The following PHKA1 variants were observed in gnomAD, a reference collection of about 807,000 sequenced individuals.
PHKA1 encodes phosphorylase kinase regulatory subunit alpha 1.
Under a neutral mutation model 110.2 loss-of-function variants are expected in PHKA1, and 60 were observed. That is an observed-to-expected ratio of 0.54 (90% CI 0.44 to 0.68). PHKA1 has a LOEUF of 0.68. Among genes scored for constraint, PHKA1 ranks in the 30% least tolerant of loss-of-function variants. The pLI, the probability that PHKA1 is intolerant of heterozygous loss-of-function variation, is 0.00. For synonymous variants in PHKA1, 316 were observed against 333.6 expected (o/e 0.95, Z 0.58); for missense variants, 801 against 942.5 (o/e 0.85, Z 1.97).
chrX:72,658,458 CAAAAAAAAA>C (rs34964050), intron 8 of PHKA1, among the ~76,000 whole-genome samples: 1 of 40,436 alleles, frequency 2.5e-5, no homozygotes, highest in African/African-American at 8.9e-5. Flanking sequence ...GACTTTGTTT[CAAAAAAAAA>C]AAAAAAAAAA....
At chrX:72,616,152 G>A (rs1411669961) in intron 21 of PHKA1, among the ~76,000 whole-genome samples, 1 of 111,363 alleles carries the variant, frequency 9.0e-6, no homozygotes, top group East Asian at 2.8e-4. Context: ...GATGGCTTGA[G>A]CCCAATAGTT....
rs184062528 is a variant in PHKA1 at position 72,674,800 on chromosome X, T to G, written c.618+1270A>C. 3.6e-5 allele frequency among the ~76,000 whole-genome samples: 4 copies of G among 111,873 alleles called. No homozygotes were observed. In the East Asian group the frequency reaches 1.1e-3, roughly 31 times the overall value. ...ACAATTCTGTCAATGGAGCAATTAT[T>G]AAATACTGTATAGCAGCTGAAAAGA... On this transcript the variant is annotated intron_variant, in intron 6 of 31. Transcript: ENST00000373542.
intron 5 of PHKA1, 29 bp downstream of exon 5, chrX:72,684,469 C>T: frequency 2.1e-6 from 2 of 951,053 alleles, no homozygotes; most frequent in South Asian, 2.0e-5. Flanking sequence ...CATCATATGT[C>T]TAAAATCCAT....
At position 72,620,712 on chromosome X, in the gene PHKA1, C is replaced by T. The variant is rs1397997306; in HGVS notation, c.2137+13G>A. 18 of 1,189,634 alleles carry T rather than the reference C, an allele frequency of 1.5e-5. No homozygotes were observed. The highest frequency in any genetic ancestry group is 7.1e-5 in the South Asian group (4 of 56,234). On this transcript the variant is annotated intron_variant, in intron 19 of 31. Coordinates refer to ENST00000373542, the MANE Select transcript of PHKA1 (RefSeq NM_002637.4). ...TCCTGTGCCTGACTCTGGTGAGTCA[C>T]GGCATTACTCACTCTGTACATGCAG...
At chrX:72,678,500 A>G (rs2053806531) in intron 5 of PHKA1, among the ~76,000 whole-genome samples, 1 of 112,187 alleles carries the variant, frequency 8.9e-6, no homozygotes, top group Admixed American at 9.4e-5. Flanking sequence ...CAAAGGTTAG[A>G]GTATGAGAAT....
intron 21 of PHKA1, among the ~76,000 whole-genome samples, chrX:72,616,048 A>G (rs1432237420): frequency 1.8e-5 from 2 of 111,790 alleles, no homozygotes; most frequent in African/African-American, 6.5e-5. Flanking sequence ...AAAAGACAAC[A>G]GACGTAACTC....
At chrX:72,610,954 A>G in intron 22 of PHKA1, 74 bp downstream of exon 22, 1 of 850,245 alleles carries the variant, frequency 1.2e-6, no homozygotes, top group Non-Finnish European at 1.7e-6. Flanking sequence ...GTTGTTTTAA[A>G]AAACAATTAT....
chrX:72,619,188 T>C (rs2052940998), intron 20 of PHKA1, 26 bp downstream of exon 20: 1 of 974,341 alleles, frequency 1.0e-6, no homozygotes, highest in Non-Finnish European at 1.5e-6. Context: ...AAAAAGCTAA[T>C]AGAAATACCT....
At chrX:72,643,669 C>A (rs1470287708) in intron 14 of PHKA1, among the ~76,000 whole-genome samples, 2 of 111,566 alleles carry the variant, frequency 1.8e-5, no homozygotes, top group Non-Finnish European at 3.8e-5. Context: ...TCCTCTGATT[C>A]CTTTTATAAG....
intron 16 of PHKA1, among the ~76,000 whole-genome samples, chrX:72,629,704 G>A (rs894571019): frequency 5.4e-5 from 6 of 111,202 alleles, no homozygotes; most frequent in African/African-American, 2.0e-4. Context: ...TTCTTCATTT[G>A]TCTATTTTCT....
At chrX:72,635,470 A>G (rs1273202536) in intron 15 of PHKA1, among the ~76,000 whole-genome samples, 171 bp from the exon 16 acceptor site, 1 of 112,063 alleles carries the variant, frequency 8.9e-6, no homozygotes, top group Admixed American at 9.5e-5. Context: ...GGCACATATA[A>G]TAATTTCTGA....
chrX:72,701,660 A>G, intron 3 of PHKA1, among the ~76,000 whole-genome samples: 1 of 112,050 alleles, frequency 8.9e-6, no homozygotes, highest in East Asian at 2.8e-4. Flanking sequence ...TGGAGATTGC[A>G]GTGAGCTGAG....
At chrX:72,701,157 T>G (rs1301848530) in intron 3 of PHKA1, among the ~76,000 whole-genome samples, 1 of 112,348 alleles carries the variant, frequency 8.9e-6, no homozygotes, top group African/African-American at 3.2e-5. Flanking sequence ...AAACTGGTAA[T>G]TTTACCAAGG....
At chrX:72,613,071 C>T (rs1330615986) in intron 21 of PHKA1, among the ~76,000 whole-genome samples, 1 of 111,087 alleles carries the variant, frequency 9.0e-6, no homozygotes, top group Non-Finnish European at 1.9e-5. Context: ...AATTGTTGAC[C>T]AAAACTAAAT....
rs1556335315 is a variant in PHKA1, at chrX:72,712,860, C to T, written c.156G>A (p.Leu52=). ...AWVRDNVYSI[L]AVWGLGLAYR... is the part of the protein sequence containing the mutation. The stretch of plus-strand genomic sequence containing the variant: ...AGGCCAGGCCCAAACCCCACACAGC[C>T]AAGATGCTGTACACATTATCTCGGA... Residue 52 remains leucine, a synonymous_variant, in exon 2 of 32, where the codon TTG becomes TTA. Transcript: ENST00000373542. The T allele has an allele frequency of 1.7e-6, 2 of 1,209,775 alleles. No homozygotes were observed. Among genetic ancestry groups the T allele is most frequent in the Non-Finnish European group, 2.2e-6 (2 of 893,766 alleles).
At chrX:72,594,667 G>C (rs2052566258) in intron 28 of PHKA1, among the ~76,000 whole-genome samples, 1 of 112,468 alleles carries the variant, frequency 8.9e-6, no homozygotes. Context: ...CTTGGCTCGT[G>C]GTGCATGGGC....
intron 3 of PHKA1, among the ~76,000 whole-genome samples, chrX:72,701,023 C>T (rs901158291): frequency 3.6e-5 from 4 of 112,539 alleles, no homozygotes; most frequent in African/African-American, 9.7e-5. Context: ...ATATTTATTT[C>T]TCTCTACCTG....
chrX:72,622,184 C>T, intron 18 of PHKA1: 2 of 752,871 alleles, frequency 2.7e-6, no homozygotes, highest in Non-Finnish European at 3.1e-6. Flanking sequence ...TGAAGTGGTG[C>T]TTAGTGAGTA....
chrX:72,587,723 A>T (rs149499317), intron 29 of PHKA1, among the ~76,000 whole-genome samples: 222 of 111,480 alleles, frequency 2.0e-3, no homozygotes, highest in African/African-American at 6.9e-3. Context: ...GCTCAAAATA[A>T]AGGGATAGAA....
Sources: allele counts gnomAD v4.1 joint callset (sites outside exome capture counted in the v4.1 genomes callset), GRCh38; gene constraint gnomAD v4.1.1; transcripts MANE v1.5; gene names NCBI Gene and HGNC (gene_info 2026-07-23, HGNC 2026-07-21).